The following WWTR1 variants were observed in gnomAD, a reference collection of about 807,000 sequenced individuals.
WWTR1 encodes WW domain containing transcription regulator 1.
A neutral mutation model predicts 40.1 loss-of-function variants in WWTR1; 13 were observed. The ratio of observed to expected loss-of-function variants is 0.32; its 90% confidence interval spans 0.21 to 0.52. The LOEUF (loss-of-function observed/expected upper bound fraction) is 0.52. WWTR1 is among the 20% of genes least tolerant of loss of function. WWTR1 has a pLI of 0.97. For missense variants in WWTR1, 436 were observed against 523.1 expected (o/e 0.83, Z 1.63); for synonymous variants, 230 against 210.1 (o/e 1.09, Z -0.82).
intron 2 of WWTR1, among the ~76,000 whole-genome samples, chr3:149,618,169 T>C (rs1464071700): frequency 4.6e-5 from 7 of 152,238 alleles, no homozygotes; most frequent in African/African-American, 9.6e-5. Context: ...TTTGCAGGCA[T>C]GTCCTCTCAG....
intron 1 of WWTR1, among the ~76,000 whole-genome samples, chr3:149,694,172 T>C (rs1251818422): frequency 6.6e-6 from 1 of 152,148 alleles, no homozygotes; most frequent in East Asian, 1.9e-4. Flanking sequence ...GGCAGGTGGA[T>C]CACGAGGTCA....
intron 1 of WWTR1, among the ~76,000 whole-genome samples, chr3:149,685,370 T>G (rs57875157): frequency 0.044 from 6,635 of 152,282 alleles, 265 homozygotes; most frequent in African/African-American, 0.11. Context: ...GCTGATGTGC[T>G]GAGAGAAGCA....
chr3:149,686,000 T>C (rs1233567950), intron 1 of WWTR1, among the ~76,000 whole-genome samples: 1 of 152,170 alleles, frequency 6.6e-6, no homozygotes, highest in Admixed American at 6.5e-5. Context: ...GATCTCATGT[T>C]CCCTACATGA....
At chr3:149,575,569 T>C (rs1737841390) in intron 2 of WWTR1, among the ~76,000 whole-genome samples, 1 of 152,302 alleles carries the variant, frequency 6.6e-6, no homozygotes. Context: ...CCCGGTGAGA[T>C]GTGGAAATAT....
intron 2 of WWTR1, among the ~76,000 whole-genome samples, chr3:149,628,377 TAAAC>T (rs1044488728): frequency 8.5e-5 from 13 of 152,246 alleles, no homozygotes; most frequent in African/African-American, 2.9e-4. Flanking sequence ...TCAAAACAAA[TAAAC>T]AAACAAACAA....
chr3:149,564,487 C>CTT (rs11311722), intron 3 of WWTR1, among the ~76,000 whole-genome samples: 7 of 143,444 alleles, frequency 4.9e-5, no homozygotes, highest in Non-Finnish European at 4.6e-5. Context: ...TGTTCTCACT[C>CTT]TTTTTTTTTT....
intron 2 of WWTR1, among the ~76,000 whole-genome samples, chr3:149,620,562 G>C (rs1299494165): frequency 5.3e-5 from 5 of 94,920 alleles, no homozygotes; most frequent in African/African-American, 1.1e-4. Flanking sequence ...CTCCTCCACC[G>C]CTCCCCCCCA....
chr3:149,632,511 GCAAA>G (rs1711593139), intron 2 of WWTR1, among the ~76,000 whole-genome samples: 1 of 152,088 alleles, frequency 6.6e-6, no homozygotes, highest in African/African-American at 2.4e-5. Flanking sequence ...TCCACACAAC[GCAAA>G]CAAAGCCATT....
At chr3:149,654,849 C>T (rs117603759) in intron 2 of WWTR1, among the ~76,000 whole-genome samples, 2,087 of 151,668 alleles carry the variant, frequency 0.014, 33 homozygotes, top group East Asian at 0.062. Flanking sequence ...TGGGGCCAGG[C>T]GTGGTGGCTC....
chr3:149,547,944 TCACACACACA>T (rs150391375), intron 3 of WWTR1, among the ~76,000 whole-genome samples: 1 of 144,908 alleles, frequency 6.9e-6, no homozygotes, highest in African/African-American at 2.6e-5. Flanking sequence ...AAGGAAAAAA[TCACACACACA>T]CACACACACA....
At chr3:149,696,654 T>C (rs1576644704) in intron 1 of WWTR1, among the ~76,000 whole-genome samples, 1 of 152,200 alleles carries the variant, frequency 6.6e-6, no homozygotes, top group South Asian at 2.1e-4. Flanking sequence ...CTGAAGGTCT[T>C]TTGCTTCTGC....
chr3:149,640,017 A>G (rs1297980554), intron 2 of WWTR1, among the ~76,000 whole-genome samples: 1 of 143,532 alleles, frequency 7.0e-6, no homozygotes, highest in Non-Finnish European at 1.5e-5. Flanking sequence ...AAAAAAAGAA[A>G]GAAAGAAAGA....
chr3:149,619,352 G>T (rs1740155891), intron 2 of WWTR1, among the ~76,000 whole-genome samples: 1 of 152,116 alleles, frequency 6.6e-6, no homozygotes. Flanking sequence ...CCAGATTAGT[G>T]ACTCACACCT....
chr3:149,554,065 A>C (rs139941485), intron 3 of WWTR1, among the ~76,000 whole-genome samples: 239 of 152,312 alleles, frequency 1.6e-3, no homozygotes, highest in South Asian at 4.4e-3. Flanking sequence ...AGCAAAAAAA[A>C]AGCAGCTTTT....
intron 2 of WWTR1, chr3:149,648,948 C>T (rs958805599): frequency 1.3e-5 from 2 of 151,310 alleles, no homozygotes; most frequent in Non-Finnish European, 2.9e-5. Context: ...GACATACTCA[C>T]GATGCTAACA....
chr3:149,677,703 C>T (rs1714314371), intron 1 of WWTR1, among the ~76,000 whole-genome samples: 2 of 152,072 alleles, frequency 1.3e-5, no homozygotes, highest in East Asian at 1.9e-4. Context: ...AACGCGGTGT[C>T]GTGACGCGTG....
At chr3:149,543,580 CAAAAAAAA>C (rs755442408) in intron 3 of WWTR1, among the ~76,000 whole-genome samples, 2 of 31,226 alleles carry the variant, frequency 6.4e-5, no homozygotes, top group Admixed American at 1.2e-3. Context: ...GACTCTGTCT[CAAAAAAAA>C]AAAAAAAAAA....
At chr3:149,712,841 AATG>A (rs927324752) in intron 5 of WWTR1, among the ~76,000 whole-genome samples, 2 of 152,216 alleles carry the variant, frequency 1.3e-5, no homozygotes, top group African/African-American at 4.8e-5. Flanking sequence ...GGACAATATA[AATG>A]ATATCTCATT....
chr3:149,611,296 C>T (rs1022826722), intron 2 of WWTR1, among the ~76,000 whole-genome samples: 5 of 152,162 alleles, frequency 3.3e-5, no homozygotes, highest in Non-Finnish European at 7.3e-5. Flanking sequence ...CTAACTACAG[C>T]CTGCAGGCCA....
Sources: allele counts gnomAD v4.1 joint callset (sites outside exome capture counted in the v4.1 genomes callset), GRCh38; gene constraint gnomAD v4.1.1; transcripts MANE v1.5; gene names NCBI Gene and HGNC (gene_info 2026-07-23, HGNC 2026-07-21).